The following BRSK2 variants were observed in gnomAD, a reference collection of about 807,000 sequenced individuals.
The protein encoded by BRSK2 is serine/threonine-protein kinase BRSK2.
Under a neutral mutation model 83.3 loss-of-function variants are expected in BRSK2, and 19 were observed. The observed-to-expected ratio is 0.23, with a 90% confidence interval of 0.16 to 0.33. The LOEUF is 0.33. BRSK2 is among the 10% of genes least tolerant of loss of function. The probability of loss-of-function intolerance (pLI) is 1.00; values close to 1 mark genes in which losing one functional copy is unlikely to be tolerated. For missense variants in BRSK2, 798 were observed against 1,042.3 expected (o/e 0.77, Z 3.23); for synonymous variants, 519 against 435.4 (o/e 1.19, Z -2.39).
rs1245494984 is a variant in BRSK2, at chr11:1,423,598, T to C, written c.92-12442T>C. On this transcript the variant is annotated intron_variant, in intron 1 of 19. Coordinates refer to ENST00000528841, the MANE Select transcript of BRSK2 (RefSeq NM_001256627.2). This position sits in a 1 kb window ranked among gnomAD's most constrained non-coding sequence, Gnocchi z 6.5. Reference sequence around the variant, plus strand: ...ACAGCAGAGACGTGCTCTTTCACATTCTGGAGGCGGGAAGTCCAAGGTCCA... The same window carrying C: ...ACAGCAGAGACGTGCTCTTTCACATCCTGGAGGCGGGAAGTCCAAGGTCCA... Among the ~76,000 whole-genome samples the C allele has an allele frequency of 6.6e-6, 1 of 152,102 alleles. No homozygotes were observed. Among genetic ancestry groups the C allele is most frequent in the African/African-American group, 2.4e-5 (1 of 41,410 alleles).
rs146546744 is a variant in BRSK2 at position 1,406,965 on chromosome 11, G to C, written c.91+16590G>C. Among the ~76,000 whole-genome samples, 93 of 152,324 alleles carry C rather than the reference G, an allele frequency of 6.1e-4. 1 individual carries two copies. Among genetic ancestry groups the C allele is most frequent in the African/African-American group, 2.2e-3 (90 of 41,568 alleles). On this transcript the variant is annotated intron_variant, in intron 1 of 19. Transcript: ENST00000528841. ...TGTGTGCGTGCGTGCCTGCCTGTGC[G>C]TGCAAACGTGTGTGCGCATGTGTGT... is the stretch of plus-strand genomic sequence containing the variant.
intron 1 of BRSK2, among the ~76,000 whole-genome samples, chr11:1,435,232 A>G (rs61869025): frequency 0.073 from 5,216 of 71,738 alleles, 44 homozygotes; most frequent in East Asian, 0.24. Flanking sequence ...TGGGGGTCTC[A>G]GCGGAGGAGG....
chr11:1,444,880 C>T (rs1851805722), intron 8 of BRSK2, 91 bp from the exon 9 acceptor site: 3 of 1,237,936 alleles, frequency 2.4e-6, no homozygotes, highest in Non-Finnish European at 3.5e-6. Flanking sequence ...TCTCTCCGTG[C>T]TCCCAGCGCC....
chr11:1,443,915 T>G (rs1330928617), intron 8 of BRSK2, among the ~76,000 whole-genome samples: 3 of 151,994 alleles, frequency 2.0e-5, no homozygotes, highest in Non-Finnish European at 4.4e-5. Flanking sequence ...CGTGTTCAGG[T>G]GTGTGGGTGC....
At position 1,454,358 on chromosome 11, in the gene BRSK2, G is replaced by A; in HGVS notation, c.1545-127G>A. The A allele has an allele frequency of 8.6e-7, 1 of 1,167,324 alleles. No homozygotes were observed. The allele number at this position is 1,167,324 out of a possible 1,614,324, so 72.3% of individuals were successfully genotyped here. A position where few individuals can be genotyped will look rare whatever the true frequency, so the allele number is the denominator to read the frequency against. The stretch of plus-strand genomic sequence containing the variant: ...AGGGCCATGGGTTCTGGCTAGCACT[G>A]TGGAGACAGCCGTTTCTATCACGAA... On this transcript the variant is annotated intron_variant, in intron 15 of 19. Transcript: ENST00000528841. This position sits in a 1 kb window ranked among gnomAD's most constrained non-coding sequence, Gnocchi z 5.2.
chr11:1,456,141 G>A (rs1401195218), intron 16 of BRSK2, among the ~76,000 whole-genome samples: 3 of 152,190 alleles, frequency 2.0e-5, no homozygotes, highest in Non-Finnish European at 4.4e-5. Context: ...CCGCTAAGTG[G>A]ACCAAAGCTT....
At chr11:1,426,381 C>T (rs566226437) in intron 1 of BRSK2, among the ~76,000 whole-genome samples, 3 of 152,240 alleles carry the variant, frequency 2.0e-5, no homozygotes, top group South Asian at 2.1e-4. Flanking sequence ...ATACCTGAGA[C>T]GGCCCCTCCA....
chr11:1,440,308 T>G (rs569018924), intron 3 of BRSK2, among the ~76,000 whole-genome samples: 2 of 152,060 alleles, frequency 1.3e-5, no homozygotes, highest in African/African-American at 2.4e-5. Context: ...ACACCTCCTG[T>G]TCCCCCCACA....
intron 1 of BRSK2, chr11:1,411,644 C>G (rs541770224): frequency 7.8e-6 from 12 of 1,537,862 alleles, no homozygotes; most frequent in Non-Finnish European, 9.6e-6. Context: ...GTGCGTGCCA[C>G]GCTCCCTGGC....
rs979087877 is a variant in BRSK2 at position 1,462,592 on chromosome 11, A to C, written c.*1869A>C. 6.6e-6 allele frequency: 1 copy of C among 152,278 alleles called. No individual in the cohort carries two copies. The highest frequency in any genetic ancestry group is 2.4e-5 in the African/African-American group (1 of 41,466). 9.4% of individuals were successfully genotyped at this position (152,278 alleles called of 1,614,324 possible). A position where few individuals can be genotyped will look rare whatever the true frequency, so the allele number is the denominator to read the frequency against. Reference sequence around the variant, plus strand: ...TGTGCTTCGGACACACGCGGACTCCAGCAGGCGCCACGGAAATGGGCAAGC... The same window carrying C: ...TGTGCTTCGGACACACGCGGACTCCCGCAGGCGCCACGGAAATGGGCAAGC... On this transcript the variant is annotated 3_prime_UTR_variant, in exon 20 of 20. Transcript: ENST00000528841.
intron 1 of BRSK2, among the ~76,000 whole-genome samples, chr11:1,426,880 G>A (rs1210336465): frequency 2.0e-5 from 3 of 152,222 alleles, no homozygotes; most frequent in Admixed American, 6.5e-5. Flanking sequence ...TCTATGAAAC[G>A]GGACCACTCC....
At chr11:1,412,710 G>T (rs1446765050) in intron 1 of BRSK2, among the ~76,000 whole-genome samples, 5 of 151,624 alleles carry the variant, frequency 3.3e-5, no homozygotes, top group Non-Finnish European at 5.9e-5. Context: ...TGGCTGGGGG[G>T]TCAGATAAGG....
In BRSK2 at chr11:1,398,970, C is replaced by T. The variant is rs1180807204; in HGVS notation, c.91+8595C>T. 3.3e-5 allele frequency among the ~76,000 whole-genome samples: 5 copies of T among 152,336 alleles called. No individual in the cohort carries two copies. The East Asian group carries it at 9.6e-4, about 29-fold the overall frequency. ...GCCGTCCCTGGCTTTCGTCCTGCGC[C>T]GTCCTGGGTCTTTGGGTCCCTCTGC... On this transcript the variant is annotated intron_variant, in intron 1 of 19. Coordinates refer to ENST00000528841, the MANE Select transcript of BRSK2 (RefSeq NM_001256627.2).
At chr11:1,429,075 G>C (rs900420850) in intron 1 of BRSK2, among the ~76,000 whole-genome samples, 9 of 150,234 alleles carry the variant, frequency 6.0e-5, no homozygotes, top group African/African-American at 2.2e-4. Flanking sequence ...GTGTGCATGG[G>C]TGTGTGTCCT....
At chr11:1,447,448 C>CG (rs1309133887) in intron 12 of BRSK2, among the ~76,000 whole-genome samples, 1 of 152,210 alleles carries the variant, frequency 6.6e-6, no homozygotes, top group Non-Finnish European at 1.5e-5. Flanking sequence ...TGGACCATTC[C>CG]GGGGCCTCTG....
rs1317249099 is a variant in BRSK2, at chr11:1,390,129, G to GCGCGGGCGGA, written c.-146_-137dup. ...GTCGGAGTGGACGCGGGGGGCGGCGGCGCGGGCGGACGCGGGCGGCGCGAA... is the reference window on the plus strand; with the variant it reads ...GTCGGAGTGGACGCGGGGGGCGGCGGCGCGGGCGGACGCGGGCGGACGCGGGCGGCGCGAA... On this transcript the variant is annotated 5_prime_UTR_variant, in exon 1 of 20. Coordinates refer to ENST00000528841, the MANE Select transcript of BRSK2 (RefSeq NM_001256627.2). The surrounding 1 kb of genome is among the most constrained non-coding windows in gnomAD (Gnocchi z 6.8). The GCGCGGGCGGA allele has an allele frequency of 1.1e-5, 2 of 174,220 alleles. No individual in the cohort carries two copies. Among genetic ancestry groups the GCGCGGGCGGA allele is most frequent in the Non-Finnish European group, 2.2e-5 (2 of 91,102 alleles). 10.8% of individuals were successfully genotyped at this position (174,220 alleles called of 1,614,324 possible).
At chr11:1,432,932 CA>C (rs1849787093) in intron 1 of BRSK2, among the ~76,000 whole-genome samples, 6 of 558 alleles carry the variant, frequency 0.011, 3 homozygotes, top group Admixed American at 0.028. Flanking sequence ...CTGTGCTCAG[CA>C]GTGAGCGTCT....
intron 14 of BRSK2, 54 bp from the exon 15 acceptor site, chr11:1,451,317 G>A (rs1564872911): frequency 3.7e-6 from 6 of 1,606,438 alleles, no homozygotes; most frequent in Non-Finnish European, 5.1e-6. Flanking sequence ...GCCAGGGCAG[G>A]GGAAGGATGG....
At chr11:1,405,633 C>T (rs1846817278) in intron 1 of BRSK2, among the ~76,000 whole-genome samples, 1 of 152,156 alleles carries the variant, frequency 6.6e-6, no homozygotes, top group Non-Finnish European at 1.5e-5. Context: ...AGGGCACAGG[C>T]TTGGCCGTTG....
Sources: allele counts gnomAD v4.1 joint callset (sites outside exome capture counted in the v4.1 genomes callset), GRCh38; gene constraint gnomAD v4.1.1; non-coding constraint Gnocchi (gnomAD v3.1); transcripts MANE v1.5; gene names NCBI Gene and HGNC (gene_info 2026-07-23, HGNC 2026-07-21).